The following DPP10 variants were observed in gnomAD, a reference collection of about 807,000 sequenced individuals.
DPP10 encodes dipeptidyl peptidase like 10.
A neutral mutation model predicts 120.9 loss-of-function variants in DPP10; 33 were observed. The ratio of observed to expected loss-of-function variants is 0.27; its 90% CI spans 0.21 to 0.37. The LOEUF (loss-of-function observed/expected upper bound fraction) is 0.37, where lower values mean the gene tolerates loss of function less well. DPP10 is among the 10% of genes least tolerant of loss of function. DPP10 has a pLI of 1.00. For synonymous variants in DPP10, 337 were observed against 326.1 expected, an observed-to-expected ratio of 1.03 and a Z score of -0.36; for missense variants, 816 against 942.8, an observed-to-expected ratio of 0.87 and a Z score of 1.76.
chr2:115,684,152 A>G (rs1377002556), intron 5 of DPP10, among the ~76,000 whole-genome samples: 1 of 151,876 alleles, frequency 6.6e-6, no homozygotes, highest in Non-Finnish European at 1.5e-5. Flanking sequence ...TTTAATACTC[A>G]TATATATTTT....
chr2:114,866,845 G>C (rs1049657065), intron 1 of DPP10, among the ~76,000 whole-genome samples: 5 of 152,156 alleles, frequency 3.3e-5, no homozygotes, highest in Non-Finnish European at 5.9e-5. Context: ...GTGAAGCCTG[G>C]AGAACCCCCT....
intron 1 of DPP10, among the ~76,000 whole-genome samples, chr2:115,069,116 C>T (rs1707160159): frequency 6.6e-6 from 1 of 151,970 alleles, no homozygotes; most frequent in South Asian, 2.1e-4. Context: ...TTTTATGGGG[C>T]TTGCATTGAT....
chr2:114,946,128 T>C (rs1324593499), intron 1 of DPP10, among the ~76,000 whole-genome samples: 3 of 152,154 alleles, frequency 2.0e-5, no homozygotes, highest in African/African-American at 7.2e-5. Context: ...TGGATCTTGG[T>C]ACAGAAGAAA....
intron 1 of DPP10, among the ~76,000 whole-genome samples, chr2:115,245,905 A>G (rs1342454547): frequency 6.6e-6 from 1 of 152,152 alleles, no homozygotes; most frequent in Admixed American, 6.6e-5. Flanking sequence ...CAAAAAATAT[A>G]TTATTTCAGA....
chr2:115,714,609 C>T (rs994862194), intron 7 of DPP10, among the ~76,000 whole-genome samples: 6 of 152,338 alleles, frequency 3.9e-5, no homozygotes, highest in Middle Eastern at 3.4e-3. Context: ...GCATACATGT[C>T]TTTGCCTTAA....
At chr2:114,675,599 C>A (rs1698615884) in intron 1 of DPP10, among the ~76,000 whole-genome samples, 1 of 152,058 alleles carries the variant, frequency 6.6e-6, no homozygotes. Flanking sequence ...AACCATGAAG[C>A]TTAGCTCTGC....
At chr2:114,479,745 C>T (rs1201398223) in intron 1 of DPP10, among the ~76,000 whole-genome samples, 6 of 152,170 alleles carry the variant, frequency 3.9e-5, no homozygotes, top group African/African-American at 2.4e-5. Flanking sequence ...ATGTTAGACC[C>T]AAAACCATCA....
intron 1 of DPP10, among the ~76,000 whole-genome samples, chr2:114,858,679 T>C (rs952981171): frequency 2.0e-5 from 3 of 152,224 alleles, no homozygotes; most frequent in Non-Finnish European, 2.9e-5. Flanking sequence ...GGTGTTATAG[T>C]TGTGAGTTGA....
At chr2:115,271,302 G>T (rs1223939597) in intron 1 of DPP10, among the ~76,000 whole-genome samples, 1 of 152,146 alleles carries the variant, frequency 6.6e-6, no homozygotes, top group Non-Finnish European at 1.5e-5. Flanking sequence ...TGTTGGTAAG[G>T]TCTTGGAATA....
rs183218295 is a variant in DPP10 at position 115,060,765 on chromosome 2, C to T, written c.61-248474C>T. 3.9e-3 allele frequency among the ~76,000 whole-genome samples: 597 copies of T among 152,000 alleles called. 3 individuals are homozygous for T. Among genetic ancestry groups the T allele is most frequent in the Non-Finnish European group, 7.0e-3 (479 of 67,972 alleles). On this transcript the variant is annotated intron_variant, in intron 1 of 25. Coordinates refer to ENST00000410059, the MANE Select transcript of DPP10 (RefSeq NM_020868.6). ...TCTCCTGAATGATTTTCCCCTTCTCCCTTTATCCTGGGTTATCAGTTTTTC... is the reference window on the plus strand; with the variant it reads ...TCTCCTGAATGATTTTCCCCTTCTCTCTTTATCCTGGGTTATCAGTTTTTC...
chr2:115,076,502 T>C (rs1707808470), intron 1 of DPP10, among the ~76,000 whole-genome samples: 1 of 152,112 alleles, frequency 6.6e-6, no homozygotes, highest in African/African-American at 2.4e-5. Flanking sequence ...TTTCTATAAA[T>C]GTATTCTGTA....
chr2:115,342,772 TACTC>T (rs2063513437), intron 2 of DPP10, among the ~76,000 whole-genome samples: 2 of 152,186 alleles, frequency 1.3e-5, no homozygotes, highest in African/African-American at 2.4e-5. Flanking sequence ...AATCAAACAA[TACTC>T]ACTATTTTTA....
At chr2:114,722,808 G>A (rs1486933436) in intron 1 of DPP10, among the ~76,000 whole-genome samples, 1 of 140,340 alleles carries the variant, frequency 7.1e-6, no homozygotes. Context: ...AAAGCAACTA[G>A]CCAATAGACT....
Position 114,591,554 on chromosome 2 carries a change from A to ATTTTT in DPP10, c.60+148730_60+148734dup, listed in dbSNP as rs70937292. On this transcript the variant is annotated intron_variant, in intron 1 of 25. Coordinates refer to ENST00000410059, the MANE Select transcript of DPP10 (RefSeq NM_020868.6). ...CTCAGAATGTACCCAACCTCTTCCT[A>ATTTTT]TTTTTTTTTTTTTTTTTTGAGATGG... 1.2e-3 allele frequency among the ~76,000 whole-genome samples: 149 copies of ATTTTT among 124,566 alleles called. 6 individuals are homozygous for ATTTTT. The highest frequency in any genetic ancestry group is 4.4e-3 in the African/African-American group (138 of 31,662). 81.7% of individuals were successfully genotyped at this position (124,566 alleles called of 152,430 possible).
At chr2:115,380,143 A>G (rs548632518) in intron 3 of DPP10, among the ~76,000 whole-genome samples, 4 of 152,222 alleles carry the variant, frequency 2.6e-5, no homozygotes, top group African/African-American at 9.6e-5. Flanking sequence ...TCTAATGTTG[A>G]CAGTGGGGTG....
intron 1 of DPP10, among the ~76,000 whole-genome samples, chr2:114,759,018 T>G (rs533642442): frequency 6.6e-6 from 1 of 152,292 alleles, no homozygotes; most frequent in Admixed American, 6.5e-5. Context: ...AGATAAGAAA[T>G]GGATTAATGC....
At chr2:115,571,298 T>C (rs1004091619) in intron 5 of DPP10, among the ~76,000 whole-genome samples, 1 of 152,132 alleles carries the variant, frequency 6.6e-6, no homozygotes, top group Non-Finnish European at 1.5e-5. Context: ...TATTGCATGA[T>C]GCTGAGGTTT....
chr2:114,767,507 A>G (rs1680846048), intron 1 of DPP10, among the ~76,000 whole-genome samples: 1 of 152,182 alleles, frequency 6.6e-6, no homozygotes, highest in South Asian at 2.1e-4. Context: ...TAGACATGTT[A>G]TAGAAAAAGT....
chr2:115,034,765 C>T (rs574332085), intron 1 of DPP10, among the ~76,000 whole-genome samples: 23 of 152,332 alleles, frequency 1.5e-4, no homozygotes, highest in Non-Finnish European at 1.5e-4. Context: ...AACTGAACTC[C>T]CGTCATGACA....
Sources: gnomAD v4.1 joint callset for allele counts (sites outside exome capture counted in the v4.1 genomes callset) on GRCh38, gnomAD v4.1.1 for gene constraint, MANE v1.5 for transcripts, NCBI Gene and HGNC (gene_info 2026-07-23, HGNC 2026-07-21) for gene names.